Variants in KDM4C observed in about 807,000 individuals in gnomAD.
KDM4C encodes lysine-specific demethylase 4C.
Under a neutral mutation model 129.3 loss-of-function variants are expected in KDM4C, and 81 were observed. The observed-to-expected ratio is 0.63, with a 90% CI of 0.52 to 0.75. KDM4C has a LOEUF of 0.75. Ranked by LOEUF, KDM4C falls within the 30% of genes least tolerant of loss-of-function variation. The pLI, the probability that KDM4C is intolerant of heterozygous loss-of-function variation, is 0.00. For synonymous variants in KDM4C, 573 were observed against 456.1 expected, an observed-to-expected ratio of 1.26 and a Z score of -3.26; for missense variants, 1,457 against 1,304.0, an observed-to-expected ratio of 1.12 and a Z score of -1.81.
At chr9:7,060,211 T>C (rs979767717) in intron 17 of KDM4C, among the ~76,000 whole-genome samples, 6 of 151,422 alleles carry the variant, frequency 4.0e-5, no homozygotes, top group African/African-American at 1.5e-4. Flanking sequence ...TATGTCATTG[T>C]CATGTTTTTT....
chr9:6,877,372 T>C (rs2130740560), intron 5 of KDM4C, among the ~76,000 whole-genome samples: 1 of 152,228 alleles, frequency 6.6e-6, no homozygotes, highest in South Asian at 2.1e-4. Context: ...GGATAATTTT[T>C]TGTATTTTTA....
chr9:6,772,189 G>A (rs1563969315), intron 1 of KDM4C, among the ~76,000 whole-genome samples: 1 of 151,856 alleles, frequency 6.6e-6, no homozygotes, highest in Non-Finnish European at 1.5e-5. Context: ...TCACTCTGTT[G>A]CCCAGGCTGG....
chr9:6,804,630 C>G (rs181508982), intron 2 of KDM4C, among the ~76,000 whole-genome samples: 1 of 151,630 alleles, frequency 6.6e-6, no homozygotes, highest in African/African-American at 2.4e-5. Flanking sequence ...TGGTGGCAGG[C>G]GCCTGTAATC....
intron 5 of KDM4C, among the ~76,000 whole-genome samples, chr9:6,863,223 G>T (rs1406852614): frequency 1.3e-5 from 2 of 151,206 alleles, no homozygotes; most frequent in South Asian, 2.1e-4. Context: ...TTTTAATATT[G>T]CCTGCTTTTT....
chr9:7,135,668 G>T (rs929381405), intron 19 of KDM4C, among the ~76,000 whole-genome samples: 1 of 152,218 alleles, frequency 6.6e-6, no homozygotes, highest in Admixed American at 6.5e-5. Flanking sequence ...AGATGTAGGA[G>T]GAGTGACATG....
At chr9:6,768,338 T>G (rs922447830) in intron 1 of KDM4C, among the ~76,000 whole-genome samples, 14 of 105,500 alleles carry the variant, frequency 1.3e-4, no homozygotes, top group African/African-American at 5.6e-4. Flanking sequence ...CTGAACAGGA[T>G]TTTTTTTTTT....
At chr9:6,927,123 C>CTATCTATT (rs1822760113) in intron 8 of KDM4C, among the ~76,000 whole-genome samples, 1 of 151,016 alleles carries the variant, frequency 6.6e-6, no homozygotes, top group African/African-American at 2.4e-5. Flanking sequence ...ATCTATCTAT[C>CTATCTATT]TATCTATCTA....
intron 8 of KDM4C, among the ~76,000 whole-genome samples, chr9:6,916,691 C>T (rs1309926731): frequency 6.6e-6 from 1 of 152,216 alleles, no homozygotes; most frequent in Non-Finnish European, 1.5e-5. Flanking sequence ...AAAGCCAGTT[C>T]TAACTTACAA....
chr9:6,779,444 C>T (rs943362976), intron 1 of KDM4C, among the ~76,000 whole-genome samples: 2 of 152,172 alleles, frequency 1.3e-5, no homozygotes, highest in African/African-American at 4.8e-5. Context: ...AGAAATAGTT[C>T]TGGCACGATT....
At chr9:6,771,982 G>C (rs1198325022) in intron 1 of KDM4C, among the ~76,000 whole-genome samples, 1 of 152,210 alleles carries the variant, frequency 6.6e-6, no homozygotes, top group African/African-American at 2.4e-5. Flanking sequence ...TGCAAGCCCA[G>C]CAGGCTTTCA....
intron 1 of KDM4C, among the ~76,000 whole-genome samples, chr9:6,775,548 G>A (rs1302294772): frequency 6.6e-6 from 1 of 151,620 alleles, no homozygotes; most frequent in Non-Finnish European, 1.5e-5. Context: ...TTGAGATGGA[G>A]TTTCGTTCTT....
chr9:6,734,289 T>C (rs898656869), intron 1 of KDM4C, among the ~76,000 whole-genome samples: 16 of 71,266 alleles, frequency 2.2e-4, no homozygotes, highest in African/African-American at 1.7e-3. Context: ...CCATGTTTGG[T>C]TTTTTTTTTT....
At chr9:7,118,838 C>T (rs1049953571) in intron 18 of KDM4C, among the ~76,000 whole-genome samples, 2 of 152,102 alleles carry the variant, frequency 1.3e-5, no homozygotes, top group African/African-American at 4.8e-5. Context: ...GACATCTCCG[C>T]CCATGACTCA....
intron 18 of KDM4C, among the ~76,000 whole-genome samples, chr9:7,123,110 G>A (rs963899819): frequency 1.3e-5 from 2 of 152,150 alleles, no homozygotes; most frequent in Non-Finnish European, 2.9e-5. Context: ...AAATGGTCAT[G>A]CCTGAAGTTT....
chr9:7,028,995 C>T (rs965969030), intron 15 of KDM4C, among the ~76,000 whole-genome samples: 2 of 152,082 alleles, frequency 1.3e-5, no homozygotes, highest in East Asian at 1.9e-4. Context: ...AGTTAAAAAC[C>T]AGGTACTGTG....
chr9:6,883,966 G>C (rs142803473), intron 6 of KDM4C, among the ~76,000 whole-genome samples: 1 of 152,218 alleles, frequency 6.6e-6, no homozygotes, highest in African/African-American at 2.4e-5. Flanking sequence ...AGTTAAACTG[G>C]GTGGAAATTT....
At chr9:6,750,447 A>G (rs897743172) in intron 1 of KDM4C, among the ~76,000 whole-genome samples, 28 of 151,892 alleles carry the variant, frequency 1.8e-4, no homozygotes, top group African/African-American at 6.5e-4. Context: ...TCAAAAAAAA[A>G]AAAAAAGCTC....
intron 12 of KDM4C, among the ~76,000 whole-genome samples, chr9:7,003,512 T>A (rs528300142): frequency 8.7e-4 from 132 of 152,160 alleles, no homozygotes; most frequent in Middle Eastern, 3.4e-3. Flanking sequence ...ATAGAGTCAT[T>A]TGGAATGTAT....
At chr9:6,723,884 G>A (rs11998855) in intron 1 of KDM4C, 8 of 152,138 alleles carry the variant, frequency 5.3e-5, no homozygotes, top group African/African-American at 1.9e-4. Context: ...TACCCAAATG[G>A]TTGTAACTGA....
Sources: gnomAD v4.1 joint callset for allele counts (sites outside exome capture counted in the v4.1 genomes callset) on GRCh38, gnomAD v4.1.1 for gene constraint, MANE v1.5 for transcripts, NCBI Gene and HGNC (gene_info 2026-07-23, HGNC 2026-07-21) for gene names.